The following ATL3 variants were observed in gnomAD, a reference collection of about 807,000 sequenced individuals.
ATL3 encodes the protein atlastin GTPase 3.
A neutral mutation model predicts 69.5 loss-of-function variants in ATL3; 49 were observed. That is an observed-to-expected ratio of 0.71 (90% CI 0.56 to 0.89). The LOEUF (loss-of-function observed/expected upper bound fraction) is 0.89, where lower values mean the gene tolerates loss of function less well. Among genes scored for constraint, ATL3 ranks in the 40% least tolerant of loss-of-function variants. The pLI is 0.00. For synonymous variants in ATL3, 214 were observed against 224.1 expected (o/e 0.95, Z 0.40); for missense variants, 606 against 645.7 (o/e 0.94, Z 0.67).
chr11:63,639,563 G>A (rs1166616673), intron 8 of ATL3, among the ~76,000 whole-genome samples: 1 of 151,924 alleles, frequency 6.6e-6, no homozygotes, highest in Non-Finnish European at 1.5e-5. Flanking sequence ...AGACCAGCCT[G>A]GGCAACATAG....
At chr11:63,666,893 GAT>G (rs748682633) in intron 1 of ATL3, among the ~76,000 whole-genome samples, 7 of 152,218 alleles carry the variant, frequency 4.6e-5, no homozygotes, top group Non-Finnish European at 1.0e-4. Context: ...TGGATAACGT[GAT>G]GTTTTTGCAC....
chr11:63,646,464 C>CA, intron 6 of ATL3, 43 bp downstream of exon 6: 1 of 1,330,728 alleles, frequency 7.5e-7, no homozygotes, highest in Non-Finnish European at 1.0e-6. Flanking sequence ...TCTGTGAAAA[C>CA]AAAAACAAAG....
At position 63,631,195 on chromosome 11, in the gene ATL3, C is replaced by T. The variant is rs1315013059; in HGVS notation, c.1384G>A (p.Gly462Ser). Residue 462 changes from glycine (G) to serine (S), a missense_variant, in exon 12 of 13, where the codon GGC becomes AGC. Coordinates refer to ENST00000398868, the MANE Select transcript of ATL3 (RefSeq NM_015459.5). ...VALYIASGLT[G>S]FIGLEVVAQL... ...GCTACAACCTCAAGACCTATGAAGC[C>T]AGTGAGGCCTGAGGCTATGTACAAA... The T allele has an allele frequency of 1.9e-6, 3 of 1,614,182 alleles. No homozygotes were observed. The East Asian group carries it at 6.7e-5, about 36-fold the overall frequency.
At chr11:63,635,717 C>A in intron 9 of ATL3, 127 bp from the exon 10 acceptor site, 1 of 679,884 alleles carries the variant, frequency 1.5e-6, no homozygotes, top group Non-Finnish European at 2.5e-6. Flanking sequence ...CAGGAATTAG[C>A]AAAAACACAC....
chr11:63,640,254 T>G (rs1056184912), intron 8 of ATL3, among the ~76,000 whole-genome samples: 4 of 152,116 alleles, frequency 2.6e-5, no homozygotes, highest in Non-Finnish European at 4.4e-5. Flanking sequence ...TGACTGCATT[T>G]TATTCCTTTC....
At chr11:63,638,314 G>A (rs1472778893) in intron 8 of ATL3, among the ~76,000 whole-genome samples, 1 of 152,156 alleles carries the variant, frequency 6.6e-6, no homozygotes, top group Non-Finnish European at 1.5e-5. Flanking sequence ...AGTAGTTACT[G>A]TATTAGGTCT....
intron 6 of ATL3, 23 bp from the exon 7 acceptor site, chr11:63,644,284 A>C (rs913510947): frequency 2.1e-6 from 3 of 1,403,752 alleles, no homozygotes; most frequent in Non-Finnish European, 3.0e-6. Flanking sequence ...AGAGCGGAAC[A>C]TATTTTAACA....
intron 3 of ATL3, among the ~76,000 whole-genome samples, chr11:63,655,451 T>G (rs1300383905): frequency 3.2e-5 from 4 of 125,468 alleles, no homozygotes; most frequent in African/African-American, 9.2e-5. Context: ...GCATCTGGCC[T>G]TTTTTTTTTT....
chr11:63,656,223 CA>C (rs200680867), intron 3 of ATL3, among the ~76,000 whole-genome samples: 3,050 of 119,418 alleles, frequency 0.026, 117 homozygotes, highest in Admixed American at 0.14. Context: ...GACTCCGTCT[CA>C]AAAAAAAAAA....
At chr11:63,638,210 C>T (rs1939582374) in intron 8 of ATL3, among the ~76,000 whole-genome samples, 1 of 152,124 alleles carries the variant, frequency 6.6e-6, no homozygotes, top group South Asian at 2.1e-4. Flanking sequence ...TAGACAAGAA[C>T]TATCTCATAA....
chr11:63,665,686 C>T (rs907052857), intron 1 of ATL3, among the ~76,000 whole-genome samples: 1 of 151,888 alleles, frequency 6.6e-6, no homozygotes, highest in African/African-American at 2.4e-5. Flanking sequence ...ATCAGGAGTT[C>T]GAGACCAGCC....
chr11:63,671,747 TG>T, upstream of ATL3: 1 of 1,214,716 alleles, frequency 8.2e-7, no homozygotes, highest in Non-Finnish European at 1.0e-6. Context: ...GGGCTTGGCG[TG>T]GTTCTCCGAC....
chr11:63,635,397 T>TAA (rs3832716), intron 10 of ATL3, 137 bp downstream of exon 10: 868 of 679,202 alleles, frequency 1.3e-3, no homozygotes, highest in East Asian at 4.9e-3. Flanking sequence ...CAAAATGTGC[T>TAA]AAAAAAAAAT....
At chr11:63,662,044 C>G (rs1013819124) in intron 1 of ATL3, among the ~76,000 whole-genome samples, 37 of 151,494 alleles carry the variant, frequency 2.4e-4, no homozygotes, top group Non-Finnish European at 4.6e-4. Context: ...GAAACTCCAT[C>G]TCTACTAAAA....
At chr11:63,671,824 C>G, upstream of ATL3, 1 of 977,720 alleles carries the variant, frequency 1.0e-6, no homozygotes, top group Non-Finnish European at 1.3e-6. Context: ...CTCCTGCGAG[C>G]TGCGGCCGGC....
intron 9 of ATL3, 141 bp from the exon 10 acceptor site, chr11:63,635,731 A>C: frequency 1.5e-6 from 1 of 648,864 alleles, no homozygotes; most frequent in Non-Finnish European, 2.7e-6. Flanking sequence ...AACACACCAC[A>C]CACCTTTGAG....
At position 63,626,964 on chromosome 11, in the gene ATL3, G is replaced by A. The variant is rs987457530; in HGVS notation, c.*2355C>T. ...TAAGAAAAAAAAAAAATGGTGAAGAGGACTTCCTCTGGATAATTAAACCAA... is the reference window on the plus strand; with the variant it reads ...TAAGAAAAAAAAAAAATGGTGAAGAAGACTTCCTCTGGATAATTAAACCAA... On this transcript the variant is annotated 3_prime_UTR_variant, in exon 13 of 13. Transcript: ENST00000398868. 1 of 151,760 alleles carries A rather than the reference G, an allele frequency of 6.6e-6. No homozygotes were observed. The highest frequency in any genetic ancestry group is 2.4e-5 in the African/African-American group (1 of 41,314). 9.4% of individuals were successfully genotyped at this position (151,760 alleles called of 1,614,324 possible). A position where few individuals can be genotyped will look rare whatever the true frequency, so the allele number is the denominator to read the frequency against.
intron 5 of ATL3, among the ~76,000 whole-genome samples, chr11:63,647,135 A>G (rs754345498): frequency 2.0e-5 from 3 of 152,182 alleles, no homozygotes; most frequent in Non-Finnish European, 2.9e-5. Flanking sequence ...GAAGACTTCC[A>G]TGGCCATCTA....
chr11:63,653,265 G>C (rs766972672), intron 3 of ATL3, among the ~76,000 whole-genome samples: 1 of 152,026 alleles, frequency 6.6e-6, no homozygotes, highest in Non-Finnish European at 1.5e-5. Context: ...TCCAGAGTTC[G>C]AGACCAGCCC....
Sources: allele counts gnomAD v4.1 joint callset (sites outside exome capture counted in the v4.1 genomes callset), GRCh38; gene constraint gnomAD v4.1.1; transcripts MANE v1.5; gene names NCBI Gene and HGNC (gene_info 2026-07-23, HGNC 2026-07-21).